DERA: variants seen among roughly 807,000 people sequenced by gnomAD.
DERA encodes 2-deoxy-D-ribose 5-phosphate aldolase.
In DERA, 15 loss-of-function variants were observed where a neutral mutation model predicts 41.1. The ratio of observed to expected loss-of-function variants is 0.37; its 90% CI spans 0.24 to 0.56. DERA has a LOEUF of 0.56. DERA is among the 20% of genes least tolerant of loss of function. The pLI is 0.81. For synonymous variants in DERA, 139 were observed against 137.4 expected, an observed-to-expected ratio of 1.01 and a Z score of -0.08; for missense variants, 396 against 403.4, an observed-to-expected ratio of 0.98 and a Z score of 0.16.
At chr12:15,968,288 C>G (rs565125394) in intron 5 of DERA, among the ~76,000 whole-genome samples, 6 of 152,104 alleles carry the variant, frequency 3.9e-5, no homozygotes, top group African/African-American at 1.4e-4. Context: ...TGTTTCTATG[C>G]CGTTAGCCTG....
At position 15,928,016 on chromosome 12, in the gene DERA, T is replaced by C. The variant is rs1446672040; in HGVS notation, c.31+16602T>C. On this transcript the variant is annotated intron_variant, in intron 1 of 8. Coordinates refer to ENST00000428559, the MANE Select transcript of DERA (RefSeq NM_015954.4). The surrounding 1 kb of genome is among the most constrained non-coding windows in gnomAD (Gnocchi z 4.6). Reference sequence around the variant, plus strand: ...TCAAAAATAGTTAAAACTTTTTAAATTGGAAAATAATAATTATCTATTTAG... The same window carrying C: ...TCAAAAATAGTTAAAACTTTTTAAACTGGAAAATAATAATTATCTATTTAG... Among the ~76,000 whole-genome samples the C allele has an allele frequency of 7.0e-6, 1 of 143,468 alleles. No homozygotes were observed. The highest frequency in any genetic ancestry group is 2.6e-5 in the African/African-American group (1 of 38,482). The allele number at this position is 143,468 out of a possible 152,430, so 94.1% of individuals were successfully genotyped here. A position where few individuals can be genotyped will look rare whatever the true frequency, so the allele number is the denominator to read the frequency against.
intron 6 of DERA, among the ~76,000 whole-genome samples, chr12:16,023,222 A>G (rs1949027898): frequency 6.6e-6 from 1 of 152,196 alleles, no homozygotes; most frequent in Non-Finnish European, 1.5e-5. Flanking sequence ...GAGCTAAAAT[A>G]CATAGGCTCT....
rs1197024414 is a variant in DERA, at chr12:15,982,422, T to C, written c.623T>C (p.Ile208Thr). The C allele has an allele frequency of 3.7e-6, 6 of 1,608,006 alleles. No individual in the cohort carries two copies. Among genetic ancestry groups the C allele is most frequent in the Non-Finnish European group, 4.2e-6 (5 of 1,178,560 alleles). The part of the protein sequence containing the change: ...TLTNVYKASM[I>T]AMMAGSDFIK... ...ACTAATGTCTATAAAGCCAGTATGA[T>C]AGCAATGATGGCAGGTAAGTGTTTT... The change falls in exon 6 of 9, where the codon ATA becomes ACA. Residue 208 changes from isoleucine (I) to threonine (T), a missense_variant. Coordinates refer to ENST00000428559, the MANE Select transcript of DERA (RefSeq NM_015954.4). This position sits in a 1 kb window ranked among gnomAD's most constrained non-coding sequence, Gnocchi z 4.0.
intron 4 of DERA, among the ~76,000 whole-genome samples, chr12:15,961,822 C>T (rs1294373907): frequency 6.6e-6 from 1 of 152,210 alleles, no homozygotes. Flanking sequence ...CGGCTCACTG[C>T]AGCCTCCGCC....
At chr12:15,964,892 A>G (rs902690459) in intron 5 of DERA, among the ~76,000 whole-genome samples, 1 of 152,196 alleles carries the variant, frequency 6.6e-6, no homozygotes, top group African/African-American at 2.4e-5. Context: ...AGAACTGATA[A>G]TTTCCCAATA....
intron 5 of DERA, among the ~76,000 whole-genome samples, chr12:15,968,419 A>C (rs1007309131): frequency 2.0e-5 from 3 of 152,158 alleles, no homozygotes; most frequent in Non-Finnish European, 4.4e-5. Context: ...TCTCCCTGGG[A>C]TGGCTGTGCT....
chr12:15,927,573 G>T (rs895950071), intron 1 of DERA, among the ~76,000 whole-genome samples: 3 of 152,108 alleles, frequency 2.0e-5, no homozygotes, highest in Admixed American at 2.0e-4. Context: ...TTCAGGAAAT[G>T]AAGTTGTTAA....
Position 15,967,729 on chromosome 12 carries a change from G to A in DERA, c.508+4782G>A, listed in dbSNP as rs551571377. 1.1e-4 allele frequency among the ~76,000 whole-genome samples: 17 copies of A among 152,222 alleles called. No individual in the cohort carries two copies. Among genetic ancestry groups the A allele is most frequent in the Admixed American group, 3.3e-4 (5 of 15,282 alleles). On this transcript the variant is annotated intron_variant, in intron 5 of 8. Transcript: ENST00000428559. The surrounding 1 kb of genome is among the most constrained non-coding windows in gnomAD (Gnocchi z 4.9). ...TGTCAGATCATGTTGAGCTCGTGAC[G>A]GCACACTGTCCTTCCCTGCCAATCC... is the stretch of plus-strand genomic sequence containing the variant.
intron 6 of DERA, among the ~76,000 whole-genome samples, chr12:16,002,255 A>G (rs953391423): frequency 1.3e-5 from 2 of 151,638 alleles, no homozygotes; most frequent in African/African-American, 4.8e-5. Flanking sequence ...TCTTAACGCT[A>G]AAGTTAAGGT....
rs1212173776 is a variant in DERA, at chr12:15,922,107, T to A, written c.31+10693T>A. 6.6e-6 allele frequency among the ~76,000 whole-genome samples: 1 copy of A among 152,152 alleles called. No individual in the cohort carries two copies. Among genetic ancestry groups the A allele is most frequent in the Admixed American group, 6.5e-5 (1 of 15,284 alleles). On this transcript the variant is annotated intron_variant, in intron 1 of 8. Coordinates refer to ENST00000428559, the MANE Select transcript of DERA (RefSeq NM_015954.4). The surrounding 1 kb of genome is among the most constrained non-coding windows in gnomAD (Gnocchi z 4.9). ...GTTGAGTACTGTGAACTCATCACTGTCCATGTCTTTGTGAAAGCTATAAGA... is the reference window on the plus strand; with the variant it reads ...GTTGAGTACTGTGAACTCATCACTGACCATGTCTTTGTGAAAGCTATAAGA...
At position 16,003,766 on chromosome 12, in the gene DERA, A is replaced by G. The variant is rs1194562686; in HGVS notation, c.637+21330A>G. 6.6e-6 allele frequency among the ~76,000 whole-genome samples: 1 copy of G among 152,210 alleles called. No homozygotes were observed. Among genetic ancestry groups the G allele is most frequent in the Non-Finnish European group, 1.5e-5 (1 of 68,036 alleles). ...TGTGCCTGAGAAGCTCCCAGCTTCC[A>G]TAACTCCTCACTGCCCCTTCCCCGC... On this transcript the variant is annotated intron_variant, in intron 6 of 8. Transcript: ENST00000428559. The surrounding 1 kb of genome is among the most constrained non-coding windows in gnomAD (Gnocchi z 4.8).
chr12:15,926,993 C>A (rs1017038534), intron 1 of DERA, among the ~76,000 whole-genome samples: 6 of 152,114 alleles, frequency 3.9e-5, no homozygotes, highest in African/African-American at 1.4e-4. Context: ...AAATGAGAAA[C>A]CTTTGTTGGA....
At position 15,965,521 on chromosome 12, in the gene DERA, G is replaced by A. The variant is rs1172193295; in HGVS notation, c.508+2574G>A. ...CTGTGTCCATGTGTTCTCATTAAGA[G>A]CCCCATTTTTTAAACCTGGCCCTTC... On this transcript the variant is annotated intron_variant, in intron 5 of 8. Coordinates refer to ENST00000428559, the MANE Select transcript of DERA (RefSeq NM_015954.4). The surrounding 1 kb of genome is among the most constrained non-coding windows in gnomAD (Gnocchi z 4.1). Among the ~76,000 whole-genome samples the A allele has an allele frequency of 6.6e-6, 1 of 151,998 alleles. No homozygotes were observed. Among genetic ancestry groups the A allele is most frequent in the Admixed American group, 6.6e-5 (1 of 15,256 alleles).
rs181416286 is a variant in DERA, at chr12:16,030,064, A to T, written c.638-2478A>T. ...CAGCCTCCCGAGTAGCTGGGACTACAGGCACCCACCACCATGCCCGGCTAA... is the reference window on the plus strand; with the variant it reads ...CAGCCTCCCGAGTAGCTGGGACTACTGGCACCCACCACCATGCCCGGCTAA... On this transcript the variant is annotated intron_variant, in intron 6 of 8. Transcript: ENST00000428559. Among the ~76,000 whole-genome samples, 6 of 149,902 alleles carry T rather than the reference A, an allele frequency of 4.0e-5. No homozygotes were observed. In the East Asian group the frequency reaches 1.2e-3, roughly 30 times the overall value.
chr12:15,961,395 C>T (rs965437290), intron 4 of DERA, among the ~76,000 whole-genome samples: 8 of 152,102 alleles, frequency 5.3e-5, no homozygotes, highest in Non-Finnish European at 7.3e-5. Context: ...GGAGTCTAGG[C>T]CAGGCATGGT....
In DERA at chr12:15,982,770, C is replaced by T. The variant is rs149690933; in HGVS notation, c.637+334C>T. On this transcript the variant is annotated intron_variant, in intron 6 of 8. Coordinates refer to ENST00000428559, the MANE Select transcript of DERA (RefSeq NM_015954.4). This position sits in a 1 kb window ranked among gnomAD's most constrained non-coding sequence, Gnocchi z 4.0. ...TAGACAGGAATTTCTTTGACTTACT[C>T]CTCTCTGAATTTAAGCTTTTCATTT... Among the ~76,000 whole-genome samples, 408 of 152,254 alleles carry T rather than the reference C, an allele frequency of 2.7e-3. 4 individuals are homozygous for T. Among genetic ancestry groups the T allele is most frequent in the African/African-American group, 9.4e-3 (389 of 41,548 alleles).
chr12:16,029,751 G>A (rs1367621173), intron 6 of DERA, among the ~76,000 whole-genome samples: 1 of 151,954 alleles, frequency 6.6e-6, no homozygotes, highest in Non-Finnish European at 1.5e-5. Context: ...CTGGGCTACT[G>A]TTGCTGCCAT....
At chr12:15,923,589 T>C (rs973941363) in intron 1 of DERA, among the ~76,000 whole-genome samples, 2 of 152,218 alleles carry the variant, frequency 1.3e-5, no homozygotes, top group Non-Finnish European at 2.9e-5. Context: ...TTTCTCTAGA[T>C]CTTAAGTCAA....
intron 1 of DERA, among the ~76,000 whole-genome samples, chr12:15,933,757 G>T (rs1948345866): frequency 1.3e-5 from 2 of 152,042 alleles, no homozygotes; most frequent in Non-Finnish European, 2.9e-5. Flanking sequence ...TTGATTCTCA[G>T]TTAATTTCTA....
Sources: gnomAD v4.1 joint callset for allele counts (sites outside exome capture counted in the v4.1 genomes callset) on GRCh38, gnomAD v4.1.1 for gene constraint, Gnocchi (gnomAD v3.1) non-coding constraint, MANE v1.5 for transcripts, NCBI Gene and HGNC (gene_info 2026-07-23, HGNC 2026-07-21) for gene names.